The following FRMD6 variants were observed in gnomAD, a reference collection of about 807,000 sequenced individuals.
FRMD6 encodes FERM domain containing 6.
A neutral mutation model predicts 73.2 loss-of-function variants in FRMD6; 37 were observed. The observed-to-expected ratio is 0.51, with a 90% CI of 0.39 to 0.66. The LOEUF is 0.66. Ranked by LOEUF, FRMD6 falls within the 30% of genes least tolerant of loss-of-function variation. The probability of loss-of-function intolerance (pLI) is 0.00; values close to 1 mark genes in which losing one functional copy is unlikely to be tolerated. For synonymous variants in FRMD6, 273 were observed against 282.2 expected, an observed-to-expected ratio of 0.97 and a Z score of 0.33; for missense variants, 714 against 780.5, an observed-to-expected ratio of 0.91 and a Z score of 1.02.
intron 8 of FRMD6, 136 bp downstream of exon 8, chr14:51,711,732 A>T: frequency 1.6e-6 from 1 of 620,012 alleles, no homozygotes. Context: ...TCTAGCACAG[A>T]TGTGGATGAT....
At chr14:51,481,448 C>T in the FRMD6 span, among the ~76,000 whole-genome samples, 36 of 152,272 alleles carry the variant, frequency 2.4e-4, no homozygotes, top group African/African-American at 7.5e-4. Flanking sequence ...ATGGGGGAAC[C>T]GCCCCCATGA....
At chr14:51,396,847 G>A in the FRMD6 span, among the ~76,000 whole-genome samples, 3 of 152,170 alleles carry the variant, frequency 2.0e-5, no homozygotes, top group South Asian at 6.2e-4. Context: ...CAATTAGCCA[G>A]AACAACCTCC....
chr14:51,544,193 A>G (rs1471009447), intron 1 of FRMD6, among the ~76,000 whole-genome samples: 1 of 152,080 alleles, frequency 6.6e-6, no homozygotes, highest in African/African-American at 2.4e-5. Flanking sequence ...ACGCTTAAAA[A>G]ATATCTCAAT....
chr14:51,467,631 G>A, the FRMD6 span, among the ~76,000 whole-genome samples: 2 of 151,892 alleles, frequency 1.3e-5, no homozygotes, highest in Admixed American at 1.3e-4. Context: ...GGTCAGAGAC[G>A]CTCCTCACCT....
intron 2 of FRMD6, among the ~76,000 whole-genome samples, chr14:51,583,156 C>T (rs1217788098): frequency 1.3e-5 from 2 of 152,160 alleles, no homozygotes; most frequent in African/African-American, 4.8e-5. Context: ...GAAACCAAGA[C>T]ATTAAGGAGA....
chr14:51,683,462 C>CT (rs1894948220), intron 1 of FRMD6, among the ~76,000 whole-genome samples: 8 of 149,302 alleles, frequency 5.4e-5, no homozygotes, highest in South Asian at 2.1e-4. Context: ...TTTTTTTAAA[C>CT]TTTTTTAGTA....
At chr14:51,697,964 T>C in intron 2 of FRMD6, 178 bp from the exon 3 acceptor site, 1 of 528,508 alleles carries the variant, frequency 1.9e-6, no homozygotes. Flanking sequence ...GGTACTGTGA[T>C]CATCATTACT....
chr14:51,599,981 A>T (rs1160990309), intron 2 of FRMD6: 2 of 151,014 alleles, frequency 1.3e-5, no homozygotes, highest in Non-Finnish European at 2.9e-5. Context: ...CTGGGCTTCA[A>T]CCACAGCACA....
intron 1 of FRMD6, among the ~76,000 whole-genome samples, chr14:51,549,817 G>C (rs960828485): frequency 6.6e-6 from 1 of 151,688 alleles, no homozygotes; most frequent in African/African-American, 2.4e-5. Context: ...GGATGATCTC[G>C]ATCTCCTGAC....
chr14:51,595,564 G>A (rs1351441819), intron 2 of FRMD6, among the ~76,000 whole-genome samples: 3 of 152,180 alleles, frequency 2.0e-5, no homozygotes, highest in Non-Finnish European at 2.9e-5. Context: ...AACATTTATA[G>A]GGGAGTACAT....
intron 11 of FRMD6, among the ~76,000 whole-genome samples, chr14:51,721,557 C>T (rs1245369262): frequency 3.4e-5 from 5 of 145,176 alleles, no homozygotes; most frequent in Admixed American, 2.7e-4. Flanking sequence ...TTGCAGTGAG[C>T]GGAGATCACA....
In FRMD6 at chr14:51,687,676, G is replaced by A. The variant is rs117792078; in HGVS notation, c.-146-2015G>A. Among the ~76,000 whole-genome samples the A allele has an allele frequency of 2.3e-4, 35 of 152,206 alleles. No homozygotes were observed. In the East Asian group the frequency reaches 6.5e-3, roughly 28 times the overall value. On this transcript the variant is annotated intron_variant, in intron 1 of 13. Transcript: ENST00000344768. ...TGATTTCTAAGAGAGGACATATATAGGGTACAGTACTTTGCAAACCTATTT... is the reference window on the plus strand; with the variant it reads ...TGATTTCTAAGAGAGGACATATATAAGGTACAGTACTTTGCAAACCTATTT...
Position 51,702,608 on chromosome 14 carries a change from T to C in FRMD6, c.371+20T>C. On this transcript the variant is annotated intron_variant, in intron 5 of 13. Coordinates refer to ENST00000344768, the MANE Select transcript of FRMD6 (RefSeq NM_001267046.2). ...GATCAGGTAAGAGGACAGGGGGTGA[T>C]TCTAAACGCTTTTTTTTCCCCCATA... The C allele has an allele frequency of 6.3e-7, 1 of 1,592,020 alleles. No individual in the cohort carries two copies. Among genetic ancestry groups the C allele is most frequent in the South Asian group, 1.1e-5 (1 of 88,480 alleles).
intron 1 of FRMD6, among the ~76,000 whole-genome samples, chr14:51,668,786 G>A (rs1415732220): frequency 6.6e-6 from 1 of 151,394 alleles, no homozygotes; most frequent in Non-Finnish European, 1.5e-5. Flanking sequence ...TCTTGCCTCA[G>A]CCTCCTGAGT....
At chr14:51,521,067 TAGAA>T (rs1396282643) in intron 1 of FRMD6, among the ~76,000 whole-genome samples, 1 of 152,146 alleles carries the variant, frequency 6.6e-6, no homozygotes, top group Non-Finnish European at 1.5e-5. Flanking sequence ...TCTATAGTAA[TAGAA>T]AGCAGATCAC....
chr14:51,610,676 G>T (rs1890456996), intron 2 of FRMD6, among the ~76,000 whole-genome samples: 1 of 152,154 alleles, frequency 6.6e-6, no homozygotes, highest in East Asian at 1.9e-4. Flanking sequence ...AAAATATTCA[G>T]AGTATGTGGT....
chr14:51,713,458 CAAAAAA>C (rs5808631), intron 9 of FRMD6, among the ~76,000 whole-genome samples: 1 of 111,858 alleles, frequency 8.9e-6, no homozygotes, highest in Non-Finnish European at 1.9e-5. Flanking sequence ...AACTCCATCT[CAAAAAA>C]AAAAAAAAAA....
chr14:51,564,333 C>A (rs1887658182), intron 1 of FRMD6, among the ~76,000 whole-genome samples: 2 of 152,186 alleles, frequency 1.3e-5, no homozygotes, highest in East Asian at 1.9e-4. Context: ...GCCTCAGATC[C>A]TCAGTTTCCT....
chr14:51,457,104 A>C, the FRMD6 span, among the ~76,000 whole-genome samples: 1 of 152,206 alleles, frequency 6.6e-6, no homozygotes, highest in Non-Finnish European at 1.5e-5. Context: ...TGTATTGTGT[A>C]TTTCAAAATA....
Sources: allele counts gnomAD v4.1 joint callset (sites outside exome capture counted in the v4.1 genomes callset), GRCh38; gene constraint gnomAD v4.1.1; transcripts MANE v1.5; gene names NCBI Gene and HGNC (gene_info 2026-07-23, HGNC 2026-07-21).